CCDC50: variants seen among roughly 807,000 people sequenced by gnomAD.
CCDC50 encodes the protein coiled-coil domain containing 50.
CCDC50 carries 54 observed loss-of-function variants against 70.2 expected under a neutral mutation model. The observed-to-expected ratio is 0.77, with a 90% confidence interval of 0.62 to 0.96. The LOEUF is 0.96. Among genes scored for constraint, CCDC50 ranks in the 50% least tolerant of loss-of-function variants. The pLI is 0.00. For missense variants in CCDC50, 558 were observed against 578.7 expected, an observed-to-expected ratio of 0.96 and a Z score of 0.37; for synonymous variants, 216 against 198.8, an observed-to-expected ratio of 1.09 and a Z score of -0.73.
intron 4 of CCDC50, among the ~76,000 whole-genome samples, chr3:191,361,938 T>C (rs1487929107): frequency 6.6e-6 from 1 of 152,120 alleles, no homozygotes; most frequent in Non-Finnish European, 1.5e-5. Context: ...TTCTTTCTCT[T>C]TTTCTTAAAG....
At chr3:191,343,197 G>A (rs1711793655) in intron 1 of CCDC50, among the ~76,000 whole-genome samples, 1 of 152,168 alleles carries the variant, frequency 6.6e-6, no homozygotes, top group South Asian at 2.1e-4. Flanking sequence ...TCCCCCTCAC[G>A]TATACCCAGG....
At chr3:191,341,735 C>T (rs1711739646) in intron 1 of CCDC50, among the ~76,000 whole-genome samples, 1 of 152,096 alleles carries the variant, frequency 6.6e-6, no homozygotes, top group African/African-American at 2.4e-5. Context: ...AAAAAAATTA[C>T]CCCACTCTTG....
intron 1 of CCDC50, among the ~76,000 whole-genome samples, chr3:191,337,558 T>C (rs1357184008): frequency 6.6e-6 from 1 of 152,114 alleles, no homozygotes; most frequent in East Asian, 1.9e-4. Flanking sequence ...TTGGCCCGGC[T>C]GGTCTCAAAC....
Position 191,370,047 on chromosome 3 carries a change from C to G in CCDC50, c.448+11C>G, listed in dbSNP as rs1244785916. 2.6e-6 allele frequency: 4 copies of G among 1,520,104 alleles called. No homozygotes were observed. The highest frequency in any genetic ancestry group is 2.7e-6 in the Non-Finnish European group (3 of 1,095,158). The allele number at this position is 1,520,104 out of a possible 1,614,324, so 94.2% of individuals were successfully genotyped here. ...ATTATGAAGATGGAGGTAACAATTC[C>G]TGCATCATGATCTATTCTATCCTTA... On this transcript the variant is annotated intron_variant, in intron 5 of 11. Coordinates refer to ENST00000392455, the MANE Select transcript of CCDC50 (RefSeq NM_178335.3).
At chr3:191,369,747 T>C (rs752457449) in intron 4 of CCDC50, among the ~76,000 whole-genome samples, 172 bp from the exon 5 acceptor site, 3 of 152,316 alleles carry the variant, frequency 2.0e-5, no homozygotes, top group Non-Finnish European at 4.4e-5. Flanking sequence ...GATCATGTGC[T>C]ACTCCTGTTA....
At chr3:191,340,375 TA>T (rs1711680611) in intron 1 of CCDC50, among the ~76,000 whole-genome samples, 1 of 152,220 alleles carries the variant, frequency 6.6e-6, no homozygotes, top group Admixed American at 6.5e-5. Flanking sequence ...TTTCAGATGC[TA>T]AAGTGTCATG....
At chr3:191,360,409 A>C (rs552299544) in intron 3 of CCDC50, among the ~76,000 whole-genome samples, 16 of 152,270 alleles carry the variant, frequency 1.1e-4, no homozygotes, top group Non-Finnish European at 1.9e-4. Flanking sequence ...ACTTATTATC[A>C]CATCCAATGT....
chr3:191,367,709 G>C (rs1712745399), intron 4 of CCDC50, among the ~76,000 whole-genome samples: 1 of 152,048 alleles, frequency 6.6e-6, no homozygotes, highest in Admixed American at 6.6e-5. Context: ...AGTTGGACCT[G>C]ATAATTTTCC....
At position 191,376,075 on chromosome 3, in the gene CCDC50, C is replaced by CAA. The variant is rs554435968; in HGVS notation, c.976+486_976+487insAA. 3.2e-3 allele frequency among the ~76,000 whole-genome samples: 488 copies of CAA among 152,250 alleles called. 3 individuals are homozygous for CAA. The highest frequency in any genetic ancestry group is 0.011 in the African/African-American group (463 of 41,554). ...TAAAATGAGGAGTTGGATAGGCAGT[C>CAA]TTTTAAGAAAGTATTTTTCAAATAA... On this transcript the variant is annotated intron_variant, in intron 6 of 11. Transcript: ENST00000392455.
intron 10 of CCDC50, among the ~76,000 whole-genome samples, chr3:191,384,461 T>C (rs1713422774): frequency 7.6e-6 from 1 of 131,804 alleles, no homozygotes; most frequent in East Asian, 2.2e-4. Flanking sequence ...AGTTTAGCTA[T>C]ACAGAAATAT....
chr3:191,370,787 C>T (rs1480894088), intron 5 of CCDC50, among the ~76,000 whole-genome samples: 1 of 152,098 alleles, frequency 6.6e-6, no homozygotes, highest in East Asian at 1.9e-4. Flanking sequence ...CCGCGCCCGG[C>T]CTTATCTGTT....
intron 6 of CCDC50, among the ~76,000 whole-genome samples, chr3:191,379,606 G>A (rs1297273047): frequency 1.3e-5 from 2 of 151,986 alleles, no homozygotes; most frequent in Non-Finnish European, 2.9e-5. Context: ...TAAAGCGAGT[G>A]GGTTTATTTA....
At chr3:191,330,296 A>AACACACAC (rs3048670) in intron 1 of CCDC50, 3,419 of 137,122 alleles carry the variant, frequency 0.025, 50 homozygotes, top group Non-Finnish European at 0.034. Flanking sequence ...TTACAAACAA[A>AACACACAC]ACACACACAC....
chr3:191,383,247 T>C (rs1027425820), intron 10 of CCDC50, among the ~76,000 whole-genome samples: 5 of 152,192 alleles, frequency 3.3e-5, no homozygotes, highest in Admixed American at 2.6e-4. Context: ...CTCAGTGTCC[T>C]TGACAAAATC....
chr3:191,350,560 C>T lies in CCDC50; in HGVS notation c.50-6528C>T, dbSNP rs754931463. Among the ~76,000 whole-genome samples the T allele has an allele frequency of 4.2e-5, 6 of 141,618 alleles. 1 individual carries two copies. The highest frequency in any genetic ancestry group is 1.4e-4 in the Admixed American group (2 of 13,858). 92.9% of individuals were successfully genotyped at this position (141,618 alleles called of 152,430 possible). On this transcript the variant is annotated intron_variant, in intron 1 of 11. Transcript: ENST00000392455. ...TCTTAGGATGTAGGTAAAAGAACAA[C>T]GGAAAGGAAATGGCTTTTTTTTCAC...
At chr3:191,382,722 G>C in intron 9 of CCDC50, 24 bp from the exon 10 acceptor site, 6 of 1,506,476 alleles carry the variant, frequency 4.0e-6, no homozygotes, top group Non-Finnish European at 5.5e-6. Context: ...ATTTTTGTTT[G>C]TTTGTTTGTA....
intron 5 of CCDC50, among the ~76,000 whole-genome samples, chr3:191,373,044 G>A (rs1418512705): frequency 6.6e-6 from 1 of 151,774 alleles, no homozygotes; most frequent in Non-Finnish European, 1.5e-5. Context: ...AAACATGGAG[G>A]CACTCATATA....
chr3:191,329,523 G>A lies in CCDC50; in HGVS notation c.-152G>A, dbSNP rs1048432251. ...CCCGCTGCTTTGGTCACCAGCCCCT[G>A]CCCGCCCGACCCGCTCCGTTCTCCG... On this transcript the variant is annotated 5_prime_UTR_variant, in exon 1 of 12. Transcript: ENST00000392455. 2.7e-5 allele frequency: 18 copies of A among 667,426 alleles called. 1 individual carries two copies. In the East Asian group the frequency reaches 5.5e-4, roughly 21 times the overall value. The allele number at this position is 667,426 out of a possible 1,614,324, so 41.3% of individuals were successfully genotyped here.
chr3:191,356,540 A>C (rs1712288222), intron 1 of CCDC50, among the ~76,000 whole-genome samples: 3 of 152,254 alleles, frequency 2.0e-5, no homozygotes, highest in Non-Finnish European at 4.4e-5. Flanking sequence ...TTAAGAAATT[A>C]AGAATTTTTA....
Sources: allele counts gnomAD v4.1 joint callset (sites outside exome capture counted in the v4.1 genomes callset), GRCh38; gene constraint gnomAD v4.1.1; transcripts MANE v1.5; gene names NCBI Gene and HGNC (gene_info 2026-07-23, HGNC 2026-07-21).